Variants in ACBD3 observed in about 807,000 individuals in gnomAD.
The protein encoded by ACBD3 is acyl-CoA binding domain containing 3, also known as Golgi resident protein GCP60.
Under a neutral mutation model 66.9 loss-of-function variants are expected in ACBD3, and 30 were observed. That is an observed-to-expected ratio of 0.45 (90% CI 0.34 to 0.61). ACBD3 has a LOEUF of 0.61. Among genes scored for constraint, ACBD3 ranks in the 20% least tolerant of loss-of-function variants. ACBD3 has a pLI of 0.02. For missense variants in ACBD3, 544 were observed against 664.5 expected (o/e 0.82, Z 1.99); for synonymous variants, 278 against 259.8 (o/e 1.07, Z -0.68).
chr1:226,162,760 C>T (rs1182466581), intron 3 of ACBD3, among the ~76,000 whole-genome samples: 1 of 152,080 alleles, frequency 6.6e-6, no homozygotes, highest in African/African-American at 2.4e-5. Context: ...ACTACCTGAG[C>T]CACAGCCAAG....
At chr1:226,167,976 G>A (rs191037279) in intron 1 of ACBD3, among the ~76,000 whole-genome samples, 12 of 152,074 alleles carry the variant, frequency 7.9e-5, no homozygotes, top group African/African-American at 2.7e-4. Context: ...AATGCTGAAA[G>A]TATAAACTGT....
chr1:226,169,618 G>C (rs1374841604), intron 1 of ACBD3, among the ~76,000 whole-genome samples: 1 of 127,820 alleles, frequency 7.8e-6, no homozygotes, highest in Admixed American at 9.7e-5. Flanking sequence ...CACTGCTTTA[G>C]CCAGGATGGT....
chr1:226,152,604 A>G lies in ACBD3; in HGVS notation c.1106T>C (p.Ile369Thr). ...ENGPKESLPV[I>T]AAPSMWTRPQ... ...TCGTGTCCACATGGATGGAGCTGCTATTACTGGAAGAGATTCTAAAGGCAA... is the reference window on the plus strand; with the variant it reads ...TCGTGTCCACATGGATGGAGCTGCTGTTACTGGAAGAGATTCTAAAGGCAA... Residue 369 changes from isoleucine (I) to threonine (T), a missense_variant, in exon 7 of 8, where the codon ATA (isoleucine) becomes ACA (threonine). Physicochemically the swap from Ile to Thr is moderately conservative, Grantham distance 89. This residue lies in a region of ACBD3 where 383 missense variants were observed against 462.4 expected (regional missense o/e 0.83). Coordinates refer to ENST00000366812, the MANE Select transcript of ACBD3 (RefSeq NM_022735.4). 6.2e-7 allele frequency: 1 copy of G among 1,613,978 alleles called. No individual in the cohort carries two copies. Among genetic ancestry groups the G allele is most frequent in the Non-Finnish European group, 8.5e-7 (1 of 1,179,896 alleles).
chr1:226,172,466 GA>G (rs2102786723), intron 1 of ACBD3, among the ~76,000 whole-genome samples: 1 of 152,296 alleles, frequency 6.6e-6, no homozygotes, highest in South Asian at 2.1e-4. Flanking sequence ...ACCTACTTGG[GA>G]GGCTGAGACA....
intron 1 of ACBD3, among the ~76,000 whole-genome samples, chr1:226,183,343 T>C (rs1022703447): frequency 2.0e-5 from 3 of 151,930 alleles, no homozygotes; most frequent in Non-Finnish European, 2.9e-5. Context: ...GCCCAGCTAA[T>C]TTTTTTATTT....
intron 5 of ACBD3, among the ~76,000 whole-genome samples, chr1:226,158,856 A>G (rs543255035): frequency 5.3e-5 from 8 of 152,330 alleles, no homozygotes; most frequent in Non-Finnish European, 8.8e-5. Flanking sequence ...CCTGAAGGAC[A>G]TCTCTGAACT....
In ACBD3 at chr1:226,154,533, A is replaced by G. The variant is rs866723949; in HGVS notation, c.1090+114T>C. 1.6e-5 allele frequency: 20 copies of G among 1,249,492 alleles called. No individual in the cohort carries two copies. The African/African-American group carries it at 2.9e-4, about 18-fold the overall frequency. The allele number at this position is 1,249,492 out of a possible 1,614,324, so 77.4% of individuals were successfully genotyped here. A position where few individuals can be genotyped will look rare whatever the true frequency, so the allele number is the denominator to read the frequency against. Reference sequence around the variant, plus strand: ...ACTAAAAAGAGTAAAAAAATGTTCAACTCTCACAAATATGTAATTGTTCTC... The same window carrying G: ...ACTAAAAAGAGTAAAAAAATGTTCAGCTCTCACAAATATGTAATTGTTCTC... On this transcript the variant is annotated intron_variant, in intron 6 of 7. Transcript: ENST00000366812.
At chr1:226,168,822 C>A (rs1659923372) in intron 1 of ACBD3, among the ~76,000 whole-genome samples, 1 of 147,978 alleles carries the variant, frequency 6.8e-6, no homozygotes, top group Non-Finnish European at 1.5e-5. Flanking sequence ...CACTACGTCA[C>A]AGGTAATTAT....
chr1:226,147,850 G>A (rs116782346), intron 7 of ACBD3, among the ~76,000 whole-genome samples: 3,310 of 152,300 alleles, frequency 0.022, 49 homozygotes, highest in Non-Finnish European at 0.032. Context: ...CGAAGTCACA[G>A]TTTAACATAT....
rs1349640945 is a variant in ACBD3 at position 226,186,392 on chromosome 1, T to C, written c.284A>G (p.Lys95Arg). ...GGGGTGGGGCTGGCCCGGCTCACCT[T>C]TGAAGAAGCGCAGTGCCAGGCCGTA... ...ELYGLALRFFKEKDGKAFHPT... is the reference protein window; with the variant it reads ...ELYGLALRFFREKDGKAFHPT... The change falls in exon 1 of 8, where the codon AAA becomes AGA. Residue 95 changes from lysine to arginine, a missense_variant and splice_region_variant. By Grantham distance (26) the Lys-to-Arg change is conservative (BLOSUM62 2). Coordinates refer to ENST00000366812, the MANE Select transcript of ACBD3 (RefSeq NM_022735.4). 4 of 1,518,176 alleles carry C rather than the reference T, an allele frequency of 2.6e-6. No individual in the cohort carries two copies. The highest frequency in any genetic ancestry group is 2.6e-6 in the Non-Finnish European group (3 of 1,133,134). The allele number at this position is 1,518,176 out of a possible 1,614,324, so 94.0% of individuals were successfully genotyped here. A position where few individuals can be genotyped will look rare whatever the true frequency, so the allele number is the denominator to read the frequency against.
rs1351382344 is a variant in ACBD3 at position 226,146,757 on chromosome 1, C to T, written c.1440G>A (p.Val480=). The change falls in exon 8 of 8, where the codon GTG becomes GTA. Residue 480 remains valine (V), a synonymous_variant. Transcript: ENST00000366812. ...NANKPLLDEI[V]PVYRRDCHEE... ...CATGACAGTCCCGTCGGTACACAGG[C>T]ACAATCTCATCCAGCAAAGGCTTGT... 2 of 1,614,182 alleles carry T rather than the reference C, an allele frequency of 1.2e-6. No homozygotes were observed. The highest frequency in any genetic ancestry group is 1.7e-5 in the Admixed American group (1 of 60,002).
intron 1 of ACBD3, among the ~76,000 whole-genome samples, chr1:226,175,048 T>C (rs1460653936): frequency 2.2e-5 from 3 of 137,718 alleles, no homozygotes; most frequent in Non-Finnish European, 3.0e-5. Context: ...TGAGCCGAAA[T>C]TGCCACTGTG....
chr1:226,168,446 T>C (rs563490804), intron 1 of ACBD3, among the ~76,000 whole-genome samples: 62 of 152,206 alleles, frequency 4.1e-4, no homozygotes, highest in Non-Finnish European at 8.7e-4. Context: ...ACAAGGACAT[T>C]CATTGCAGCA....
At chr1:226,167,998 T>TGAAG (rs1476724865) in intron 1 of ACBD3, among the ~76,000 whole-genome samples, 1 of 152,162 alleles carries the variant, frequency 6.6e-6, no homozygotes, top group Non-Finnish European at 1.5e-5. Flanking sequence ...ATAGTTACCT[T>TGAAG]GAAGGTCAAT....
At chr1:226,169,034 T>TA (rs1467519637) in intron 1 of ACBD3, among the ~76,000 whole-genome samples, 8 of 152,052 alleles carry the variant, frequency 5.3e-5, no homozygotes, top group African/African-American at 1.9e-4. Flanking sequence ...GGCTAGTTTT[T>TA]ATATTTTTAG....
intron 5 of ACBD3, 97 bp downstream of exon 5, chr1:226,159,087 T>C: frequency 7.1e-7 from 1 of 1,403,108 alleles, no homozygotes; most frequent in Non-Finnish European, 9.9e-7. Context: ...AGAGGCTAAC[T>C]AATGCAAAAT....
intron 1 of ACBD3, among the ~76,000 whole-genome samples, chr1:226,172,622 A>C (rs1044407156): frequency 6.6e-6 from 1 of 152,122 alleles, no homozygotes; most frequent in African/African-American, 2.4e-5. Flanking sequence ...TTTCTAGATG[A>C]GAGCCAAATT....
intron 7 of ACBD3, among the ~76,000 whole-genome samples, 171 bp downstream of exon 7, chr1:226,152,164 A>G (rs747028090): frequency 2.0e-5 from 3 of 152,150 alleles, no homozygotes; most frequent in Non-Finnish European, 4.4e-5. Flanking sequence ...CCAGTCCCCT[A>G]CAGGAGCCTG....
intron 1 of ACBD3, among the ~76,000 whole-genome samples, chr1:226,174,203 A>C (rs776042667): frequency 1.3e-5 from 2 of 152,136 alleles, no homozygotes; most frequent in Non-Finnish European, 2.9e-5. Context: ...CCTATTCCTA[A>C]AGGAAAGTTC....
Sources: gnomAD v4.1 joint callset for allele counts (sites outside exome capture counted in the v4.1 genomes callset) on GRCh38, gnomAD v4.1.1 for gene constraint, gnomAD v4.1.1 regional missense constraint, MANE v1.5 for transcripts, NCBI Gene and HGNC (gene_info 2026-07-23, HGNC 2026-07-21) for gene names.